NBAS: variants seen among roughly 807,000 people sequenced by gnomAD.
NBAS encodes the protein NBAS subunit of NRZ tethering complex, also known as NAG/BC035112 fusion.
Under a neutral mutation model 302.5 loss-of-function variants are expected in NBAS, and 219 were observed. The ratio of observed to expected loss-of-function variants is 0.72; its 90% CI spans 0.65 to 0.81. NBAS has a LOEUF of 0.81. Among genes scored for constraint, NBAS ranks in the 30% least tolerant of loss-of-function variants. The pLI is 0.00. For synonymous variants in NBAS, 1,118 were observed against 1,021.6 expected, an observed-to-expected ratio of 1.09 and a Z score of -1.80; for missense variants, 2,932 against 2,841.6, an observed-to-expected ratio of 1.03 and a Z score of -0.72.
chr2:15,225,409 C>T (rs58432139), intron 47 of NBAS, among the ~76,000 whole-genome samples: 3,904 of 152,226 alleles, frequency 0.026, 101 homozygotes, highest in East Asian at 0.12. Flanking sequence ...TCATGCACTG[C>T]AGGTGCTCAG....
chr2:14,993,284 T>G, the NBAS span, among the ~76,000 whole-genome samples: 1 of 152,198 alleles, frequency 6.6e-6, no homozygotes, highest in African/African-American at 2.4e-5. Context: ...TGCAGACCTA[T>G]GCTTTAACTC....
intron 11 of NBAS, among the ~76,000 whole-genome samples, chr2:15,499,812 A>G (rs1396393142): frequency 6.6e-6 from 1 of 152,230 alleles, no homozygotes; most frequent in Non-Finnish European, 1.5e-5. Flanking sequence ...GTAAAATGAG[A>G]CTATTTTAAA....
At chr2:15,100,619 G>A in the NBAS span, among the ~76,000 whole-genome samples, 1 of 152,162 alleles carries the variant, frequency 6.6e-6, no homozygotes, top group African/African-American at 2.4e-5. Context: ...AAGAGACAGG[G>A]TGTCGAATTT....
the NBAS span, among the ~76,000 whole-genome samples, chr2:14,973,936 C>A: frequency 2.0e-5 from 3 of 152,164 alleles, no homozygotes; most frequent in Non-Finnish European, 2.9e-5. Flanking sequence ...ACCCCCTCTG[C>A]CTGAAATGCC....
chr2:15,082,393 T>C, the NBAS span, among the ~76,000 whole-genome samples: 5 of 152,136 alleles, frequency 3.3e-5, no homozygotes, highest in African/African-American at 1.2e-4. Context: ...CCCTAACGAC[T>C]CCTCTAACAT....
At chr2:15,340,901 C>T (rs897321306) in intron 35 of NBAS, among the ~76,000 whole-genome samples, 11 of 151,952 alleles carry the variant, frequency 7.2e-5, no homozygotes, top group African/African-American at 1.9e-4. Context: ...TGGTGGTGAC[C>T]GAGGCACAAG....
chr2:15,194,590 G>A (rs956945879), intron 48 of NBAS, among the ~76,000 whole-genome samples: 3 of 152,106 alleles, frequency 2.0e-5, no homozygotes, highest in Admixed American at 1.3e-4. Flanking sequence ...ATAAAAGAAG[G>A]AACTATGAAG....
At chr2:15,395,995 G>C (rs1026233647) in intron 27 of NBAS, among the ~76,000 whole-genome samples, 3 of 152,012 alleles carry the variant, frequency 2.0e-5, no homozygotes, top group Non-Finnish European at 4.4e-5. Flanking sequence ...CCCTAAAAAG[G>C]GAAGTTAGCG....
chr2:14,925,083 A>G, the NBAS span, among the ~76,000 whole-genome samples: 1 of 152,220 alleles, frequency 6.6e-6, no homozygotes, highest in African/African-American at 2.4e-5. Flanking sequence ...ATGAAATTAC[A>G]GGTGTGTTCC....
At chr2:14,883,771 A>G in the NBAS span, among the ~76,000 whole-genome samples, 1 of 151,920 alleles carries the variant, frequency 6.6e-6, no homozygotes, top group African/African-American at 2.4e-5. Flanking sequence ...GGAATTCAAG[A>G]CCAGCCTGGG....
chr2:15,093,850 G>A, the NBAS span, among the ~76,000 whole-genome samples: 4 of 151,990 alleles, frequency 2.6e-5, no homozygotes, highest in South Asian at 2.1e-4. Context: ...TTTAAGCATA[G>A]AAAAAAATGT....
rs1212416251 is a variant in NBAS, at chr2:15,167,317, C to T, written c.6847G>A (p.Asp2283Asn). The change falls in exon 52 of 52, where the codon GAT becomes AAT. Residue 2283 changes from aspartate to asparagine, a missense_variant. Physicochemically the swap from Asp to Asn is conservative, Grantham distance 23. Coordinates refer to ENST00000281513, the MANE Select transcript of NBAS (RefSeq NM_015909.4). ...AGAAGTTCTTGGTCACAATTGGAAT[C>T]ATTCACCTTCAAGAAATAAGACAGG... Reference protein sequence around the residue: ...EQITAVTTVNDSNCDQELLSL... With the variant: ...EQITAVTTVNNSNCDQELLSL... The T allele has an allele frequency of 1.2e-6, 2 of 1,614,082 alleles. No individual in the cohort carries two copies. Among genetic ancestry groups the T allele is most frequent in the East Asian group, 2.2e-5 (1 of 44,902 alleles).
At chr2:15,051,951 C>A in the NBAS span, among the ~76,000 whole-genome samples, 1 of 152,188 alleles carries the variant, frequency 6.6e-6, no homozygotes, top group South Asian at 2.1e-4. Context: ...AGCTTTCTTT[C>A]TTTTCCCTGG....
At chr2:15,291,673 G>C (rs1173898587) in intron 41 of NBAS, among the ~76,000 whole-genome samples, 1 of 152,168 alleles carries the variant, frequency 6.6e-6, no homozygotes, top group Non-Finnish European at 1.5e-5. Flanking sequence ...AGGAGAAACA[G>C]CTGGTTTCTG....
At chr2:14,791,803 CATAAATAAATAAATAAATAAATAA>C in the NBAS span, among the ~76,000 whole-genome samples, 1 of 139,198 alleles carries the variant, frequency 7.2e-6, no homozygotes, top group Non-Finnish European at 1.5e-5. Flanking sequence ...GACTCCATCT[CATAAATAAATAAATAAATAAATAA>C]ATAAATAAAT....
At chr2:15,544,976 A>C (rs1045630474) in intron 6 of NBAS, among the ~76,000 whole-genome samples, 2 of 151,782 alleles carry the variant, frequency 1.3e-5, no homozygotes, top group African/African-American at 4.8e-5. Context: ...GTGTCACTGC[A>C]CTCCAGCCTA....
At chr2:15,252,844 C>T (rs1668426593) in intron 44 of NBAS, among the ~76,000 whole-genome samples, 1 of 151,980 alleles carries the variant, frequency 6.6e-6, no homozygotes, top group African/African-American at 2.4e-5. Flanking sequence ...GAATCACTAT[C>T]CTGGAAGAAC....
chr2:15,173,864 T>C (rs1664410778), intron 51 of NBAS, among the ~76,000 whole-genome samples: 1 of 152,256 alleles, frequency 6.6e-6, no homozygotes, highest in African/African-American at 2.4e-5. Flanking sequence ...TTATTTCACA[T>C]GTCAATCTCT....
At chr2:15,504,914 G>GTTCA (rs1661768960) in intron 10 of NBAS, among the ~76,000 whole-genome samples, 1 of 152,108 alleles carries the variant, frequency 6.6e-6, no homozygotes, top group South Asian at 2.1e-4. Flanking sequence ...GTACATGAAT[G>GTTCA]TTCACAGCAA....
Sources: allele counts gnomAD v4.1 joint callset (sites outside exome capture counted in the v4.1 genomes callset), GRCh38; gene constraint gnomAD v4.1.1; transcripts MANE v1.5; gene names NCBI Gene and HGNC (gene_info 2026-07-23, HGNC 2026-07-21).